CCDC91: variants seen among roughly 807,000 people sequenced by gnomAD.
CCDC91 encodes coiled-coil domain containing 91.
Under a neutral mutation model 63.2 loss-of-function variants are expected in CCDC91, and 48 were observed. The observed-to-expected ratio is 0.76, with a 90% CI of 0.60 to 0.97. The LOEUF (loss-of-function observed/expected upper bound fraction) is 0.97, where lower values mean the gene tolerates loss of function less well. Ranked by LOEUF, CCDC91 falls within the 50% of genes least tolerant of loss-of-function variation. The pLI is 0.00. For missense variants in CCDC91, 500 were observed against 494.6 expected, an observed-to-expected ratio of 1.01 and a Z score of -0.10; for synonymous variants, 167 against 165.8, an observed-to-expected ratio of 1.01 and a Z score of -0.06.
chr12:28,370,269 T>C (rs1944532282), intron 7 of CCDC91, among the ~76,000 whole-genome samples: 1 of 152,238 alleles, frequency 6.6e-6, no homozygotes, highest in Non-Finnish European at 1.5e-5. Context: ...TCTAGAATGC[T>C]TTGCTGCTTA....
chr12:28,524,065 A>G (rs2141489476), intron 12 of CCDC91, among the ~76,000 whole-genome samples: 1 of 152,222 alleles, frequency 6.6e-6, no homozygotes, highest in Admixed American at 6.6e-5. Context: ...AGGTCAGGTT[A>G]CCCACAAAGG....
rs146137327 is a variant in CCDC91, at chr12:28,325,862, A to C, written c.576+18113A>C. 1.7e-3 allele frequency among the ~76,000 whole-genome samples: 260 copies of C among 152,154 alleles called. 4 individuals are homozygous for C. The highest frequency in any genetic ancestry group is 5.8e-3 in the African/African-American group (239 of 41,540). ...TATTTAGGAAATATTATTCTATTTT[A>C]GTTGTGTTTAATTTTATATTTTAAA... On this transcript the variant is annotated intron_variant, in intron 6 of 12. Coordinates refer to ENST00000536442, the MANE Select transcript of CCDC91 (RefSeq NM_018318.5).
At chr12:28,439,707 A>G (rs569658596) in intron 8 of CCDC91, among the ~76,000 whole-genome samples, 1 of 150,806 alleles carries the variant, frequency 6.6e-6, no homozygotes, top group East Asian at 1.9e-4. Flanking sequence ...CCAGGAAAGA[A>G]GAGGTTTTTT....
chr12:28,450,222 A>G lies in CCDC91; in HGVS notation c.824A>G (p.Glu275Gly). ...GAACTGTTAAAAGAAAAAATAAAGG[A>G]AGCTTTGATTCAGCAATCTCAAGAA... ...EKELLKEKIK[E>G]ALIQQSQEQK... is the part of the protein sequence containing the mutation. Residue 275 changes from glutamate to glycine, a missense_variant, in exon 9 of 13, where the codon GAA becomes GGA. Glu to Gly is a moderately conservative substitution (Grantham distance 98, BLOSUM62 -2). Transcript: ENST00000536442. 6.2e-7 allele frequency: 1 copy of G among 1,610,282 alleles called. No individual in the cohort carries two copies.
intron 8 of CCDC91, among the ~76,000 whole-genome samples, chr12:28,421,413 A>G (rs913949759): frequency 6.6e-6 from 1 of 151,724 alleles, no homozygotes; most frequent in Non-Finnish European, 1.5e-5. Flanking sequence ...CTTTTTGTCC[A>G]TGTATTCTCA....
chr12:28,335,622 A>T (rs1249341339), intron 6 of CCDC91, among the ~76,000 whole-genome samples: 2 of 151,408 alleles, frequency 1.3e-5, no homozygotes, highest in Non-Finnish European at 2.9e-5. Context: ...AGCCTGGCTT[A>T]TCTCAAACTC....
intron 12 of CCDC91, among the ~76,000 whole-genome samples, chr12:28,525,896 G>T (rs1414465483): frequency 6.6e-6 from 1 of 151,966 alleles, no homozygotes; most frequent in Admixed American, 6.6e-5. Flanking sequence ...TGTTTTATGT[G>T]ATATAGGAAT....
intron 6 of CCDC91, among the ~76,000 whole-genome samples, chr12:28,312,984 A>G (rs774704187): frequency 6.6e-6 from 1 of 151,950 alleles, no homozygotes; most frequent in Non-Finnish European, 1.5e-5. Flanking sequence ...CAGTGTGAAA[A>G]CGGACTAATA....
intron 7 of CCDC91, among the ~76,000 whole-genome samples, chr12:28,374,181 C>G (rs1490850701): frequency 6.6e-6 from 1 of 151,934 alleles, no homozygotes; most frequent in African/African-American, 2.4e-5. Context: ...TTTTTTAATC[C>G]AAATTAAAAT....
At chr12:28,288,500 T>C (rs1359325375) in intron 3 of CCDC91, among the ~76,000 whole-genome samples, 1 of 152,112 alleles carries the variant, frequency 6.6e-6, no homozygotes, top group Non-Finnish European at 1.5e-5. Flanking sequence ...ATGAATCATA[T>C]TTATTAATTT....
rs546746641 is a variant in CCDC91 at position 28,495,284 on chromosome 12, A to G, written c.1215+11119A>G. Among the ~76,000 whole-genome samples, 35 of 151,804 alleles carry G rather than the reference A, an allele frequency of 2.3e-4. No individual in the cohort carries two copies. The South Asian group carries it at 7.3e-3, about 31-fold the overall frequency. On this transcript the variant is annotated intron_variant, in intron 12 of 12. Transcript: ENST00000536442. ...GACTGGACATTGGGGAAGACATTAC[A>G]AATTTTTGTTGTAGTAACTCATGTC...
chr12:28,317,556 T>A (rs929312457), intron 6 of CCDC91, among the ~76,000 whole-genome samples: 5 of 152,038 alleles, frequency 3.3e-5, no homozygotes, highest in African/African-American at 1.2e-4. Context: ...AAAAAATGTT[T>A]GGAGAAAAAT....
chr12:28,273,400 C>A (rs1330799948), intron 3 of CCDC91, among the ~76,000 whole-genome samples: 9 of 152,132 alleles, frequency 5.9e-5, no homozygotes, highest in Non-Finnish European at 1.0e-4. Context: ...TTCTAGATCC[C>A]TGAGGAATTG....
intron 6 of CCDC91, among the ~76,000 whole-genome samples, chr12:28,319,688 A>G (rs946147898): frequency 1.3e-5 from 2 of 151,796 alleles, no homozygotes; most frequent in African/African-American, 4.8e-5. Flanking sequence ...ATATTATATC[A>G]TAATAATACA....
intron 11 of CCDC91, among the ~76,000 whole-genome samples, chr12:28,482,917 T>C (rs755778441): frequency 6.6e-6 from 1 of 151,912 alleles, no homozygotes; most frequent in Non-Finnish European, 1.5e-5. Flanking sequence ...CCCTATAATA[T>C]AATGGAAATC....
intron 6 of CCDC91, among the ~76,000 whole-genome samples, chr12:28,344,457 C>CT (rs1376201692): frequency 2.6e-5 from 4 of 152,036 alleles, no homozygotes; most frequent in African/African-American, 9.7e-5. Context: ...ATATTTTACT[C>CT]TCATTTGAAA....
chr12:28,196,095 C>T (rs905615840), intron 1 of CCDC91, among the ~76,000 whole-genome samples: 9 of 152,024 alleles, frequency 5.9e-5, no homozygotes. Context: ...ACAGAGAGAG[C>T]CTCTTTCAAG....
At chr12:28,386,530 C>A (rs1306918786) in intron 7 of CCDC91, among the ~76,000 whole-genome samples, 1 of 151,942 alleles carries the variant, frequency 6.6e-6, no homozygotes, top group Non-Finnish European at 1.5e-5. Flanking sequence ...CACGATGCCC[C>A]ACTAATTTTT....
At chr12:28,201,563 G>A (rs9262684) in intron 1 of CCDC91, among the ~76,000 whole-genome samples, 20,598 of 121,876 alleles carry the variant, frequency 0.17, 1,975 homozygotes, top group Non-Finnish European at 0.21. Context: ...CAGGCAGAGG[G>A]GCTCCTCACG....
Sources: allele counts gnomAD v4.1 joint callset (sites outside exome capture counted in the v4.1 genomes callset), GRCh38; gene constraint gnomAD v4.1.1; transcripts MANE v1.5; gene names NCBI Gene and HGNC (gene_info 2026-07-23, HGNC 2026-07-21).